The following GALNT18 variants were observed in gnomAD, a reference collection of about 807,000 sequenced individuals.
GALNT18 encodes GalNAc-transferase 18.
GALNT18 carries 44 observed loss-of-function variants against 69.5 expected under a neutral mutation model. The observed-to-expected ratio is 0.63, with a 90% CI of 0.50 to 0.81. The LOEUF (loss-of-function observed/expected upper bound fraction) is 0.81, where lower values mean the gene tolerates loss of function less well. Ranked by LOEUF, GALNT18 falls within the 40% of genes least tolerant of loss-of-function variation. The probability of loss-of-function intolerance (pLI) is 0.00; values close to 1 mark genes in which losing one functional copy is unlikely to be tolerated. For missense variants in GALNT18, 715 were observed against 810.0 expected (o/e 0.88, Z 1.42); for synonymous variants, 364 against 318.2 (o/e 1.14, Z -1.53).
chr11:11,593,074 C>G (rs971941464), intron 1 of GALNT18, among the ~76,000 whole-genome samples: 3 of 152,100 alleles, frequency 2.0e-5, no homozygotes, highest in African/African-American at 7.2e-5. Context: ...CCCCAACGCT[C>G]GGCTAATTTT....
At chr11:11,277,730 C>G (rs1377270186) in intron 10 of GALNT18, among the ~76,000 whole-genome samples, 1 of 152,144 alleles carries the variant, frequency 6.6e-6, no homozygotes, top group African/African-American at 2.4e-5. Flanking sequence ...CAAAGAACAT[C>G]TTTTATTCTG....
chr11:11,578,732 A>G (rs10765868), intron 1 of GALNT18, among the ~76,000 whole-genome samples: 65,871 of 152,166 alleles, frequency 0.43, 14,834 homozygotes, highest in East Asian at 0.65. Context: ...GGGCAACGTG[A>G]TCCCCTTGCA....
At chr11:11,452,822 C>A (rs770550329) in intron 1 of GALNT18, among the ~76,000 whole-genome samples, 7 of 152,170 alleles carry the variant, frequency 4.6e-5, no homozygotes, top group Non-Finnish European at 7.3e-5. Flanking sequence ...GAAGCCCCTG[C>A]AGGCATTCAG....
rs150533215 is a variant in GALNT18, at chr11:11,515,903, C to T, written c.236-66967G>A. On this transcript the variant is annotated intron_variant, in intron 1 of 10. Transcript: ENST00000227756. The stretch of plus-strand genomic sequence containing the variant: ...GTGGGAGGAGAGGTGGGTCCCTCAA[C>T]GGGAGAGAGGCAACTCAGCAAGGAG... 8.3e-4 allele frequency among the ~76,000 whole-genome samples: 126 copies of T among 152,274 alleles called. 2 individuals are homozygous for T. In the East Asian group the frequency reaches 0.023, roughly 28 times the overall value.
chr11:11,496,500 A>G lies in GALNT18; in HGVS notation c.236-47564T>C, dbSNP rs143369101. Among the ~76,000 whole-genome samples, 72 of 152,356 alleles carry G rather than the reference A, an allele frequency of 4.7e-4. No homozygotes were observed. The East Asian group carries it at 0.012, about 26-fold the overall frequency. ...GCATGCTGGAAAAATAAAACAGAAG[A>G]TGGTTCTTAGGAAAAGATTTCCTCT... is the stretch of plus-strand genomic sequence containing the variant. On this transcript the variant is annotated intron_variant, in intron 1 of 10. Transcript: ENST00000227756. The surrounding 1 kb of genome is among the most constrained non-coding windows in gnomAD (Gnocchi z 4.0).
At chr11:11,597,732 C>A (rs987051620) in intron 1 of GALNT18, among the ~76,000 whole-genome samples, 4 of 150,634 alleles carry the variant, frequency 2.7e-5, no homozygotes, top group Non-Finnish European at 5.9e-5. Flanking sequence ...GCGATCTGGG[C>A]TCACTGCAAG....
At chr11:11,460,677 T>C (rs1370162673) in intron 1 of GALNT18, among the ~76,000 whole-genome samples, 1 of 152,164 alleles carries the variant, frequency 6.6e-6, no homozygotes, top group Non-Finnish European at 1.5e-5. Context: ...GCCTCCCTGT[T>C]TCTTCCTGAC....
Position 11,340,043 on chromosome 11 carries a change from G to A in GALNT18, c.1278+776C>T, listed in dbSNP as rs1403852459. On this transcript the variant is annotated intron_variant, in intron 7 of 10. Coordinates refer to ENST00000227756, the MANE Select transcript of GALNT18 (RefSeq NM_198516.3). This position sits in a 1 kb window ranked among gnomAD's most constrained non-coding sequence, Gnocchi z 4.2. ...CTGTCTCACACAGAATGCAACATAA[G>A]CAATGAACTCTAGGCAGACAGGCTG... 6.6e-6 allele frequency among the ~76,000 whole-genome samples: 1 copy of A among 152,174 alleles called. No individual in the cohort carries two copies. Among genetic ancestry groups the A allele is most frequent in the African/African-American group, 2.4e-5 (1 of 41,450 alleles).
In GALNT18 at chr11:11,497,091, AC is replaced by A. The variant is rs1236529666; in HGVS notation, c.236-48156del. Among the ~76,000 whole-genome samples, 1 of 151,840 alleles carries A rather than the reference AC, an allele frequency of 6.6e-6. No individual in the cohort carries two copies. The highest frequency in any genetic ancestry group is 2.4e-5 in the African/African-American group (1 of 41,310). On this transcript the variant is annotated intron_variant, in intron 1 of 10. Coordinates refer to ENST00000227756, the MANE Select transcript of GALNT18 (RefSeq NM_198516.3). The surrounding 1 kb of genome is among the most constrained non-coding windows in gnomAD (Gnocchi z 4.2). ...CTCATTCCCACCTCAGGGCCTTTGC[AC>A]CTGCTGTTTCTTCAGTATGGGATGC...
chr11:11,575,191 G>A (rs1163452666), intron 1 of GALNT18, among the ~76,000 whole-genome samples: 1 of 152,158 alleles, frequency 6.6e-6, no homozygotes, highest in African/African-American at 2.4e-5. Context: ...GCCACTGAAC[G>A]GTCACAGTCT....
chr11:11,524,863 A>G (rs1335216782), intron 1 of GALNT18, among the ~76,000 whole-genome samples: 1 of 152,220 alleles, frequency 6.6e-6, no homozygotes, highest in Non-Finnish European at 1.5e-5. Context: ...TGTCTGTGTC[A>G]TTCTTGAATC....
At chr11:11,466,207 G>A (rs1439558237) in intron 1 of GALNT18, among the ~76,000 whole-genome samples, 1 of 152,214 alleles carries the variant, frequency 6.6e-6, no homozygotes, top group Non-Finnish European at 1.5e-5. Flanking sequence ...TTCATGGCCT[G>A]CTGGGTGGGT....
In GALNT18 at chr11:11,465,395, A is replaced by C. The variant is rs1856134571; in HGVS notation, c.236-16459T>G. Among the ~76,000 whole-genome samples, 1 of 152,112 alleles carries C rather than the reference A, an allele frequency of 6.6e-6. No individual in the cohort carries two copies. The highest frequency in any genetic ancestry group is 1.5e-5 in the Non-Finnish European group (1 of 68,030). On this transcript the variant is annotated intron_variant, in intron 1 of 10. Coordinates refer to ENST00000227756, the MANE Select transcript of GALNT18 (RefSeq NM_198516.3). This position sits in a 1 kb window ranked among gnomAD's most constrained non-coding sequence, Gnocchi z 5.7. ...TTATGGAGCTGTCACTGTGCAGGAA[A>C]ACACCAAGGATTACTCAAAGCTTGA...
At chr11:11,371,275 A>G (rs1850898264) in intron 6 of GALNT18, among the ~76,000 whole-genome samples, 1 of 152,168 alleles carries the variant, frequency 6.6e-6, no homozygotes, top group Admixed American at 6.5e-5. Context: ...TCTCCCCTTT[A>G]GGTCAGGGGC....
chr11:11,449,465 G>C (rs537475067), intron 1 of GALNT18, among the ~76,000 whole-genome samples: 8 of 152,216 alleles, frequency 5.3e-5, no homozygotes, highest in Non-Finnish European at 1.0e-4. Context: ...TCACCTGGCT[G>C]TCAGCACCCC....
intron 1 of GALNT18, among the ~76,000 whole-genome samples, chr11:11,458,483 T>C (rs182060446): frequency 7.2e-5 from 11 of 152,364 alleles, no homozygotes; most frequent in Admixed American, 5.2e-4. Flanking sequence ...TAATTGAATG[T>C]TCAGAAATGT....
At chr11:11,296,696 G>A (rs1485341054) in intron 9 of GALNT18, among the ~76,000 whole-genome samples, 5 of 152,142 alleles carry the variant, frequency 3.3e-5, no homozygotes, top group African/African-American at 1.2e-4. Flanking sequence ...CTTACTATCT[G>A]GTACAGCTGT....
chr11:11,402,951 C>T lies in GALNT18; in HGVS notation c.596-23687G>A, dbSNP rs1854501220. On this transcript the variant is annotated intron_variant, in intron 3 of 10. Transcript: ENST00000227756. This position sits in a 1 kb window ranked among gnomAD's most constrained non-coding sequence, Gnocchi z 4.0. ...TCTTTCTTCTCTGCCCCAGGCATTCCCCTGAGGAAAGTGAGCCTCAGAACT... is the reference window on the plus strand; with the variant it reads ...TCTTTCTTCTCTGCCCCAGGCATTCTCCTGAGGAAAGTGAGCCTCAGAACT... 6.6e-6 allele frequency among the ~76,000 whole-genome samples: 1 copy of T among 152,296 alleles called. No homozygotes were observed. Among genetic ancestry groups the T allele is most frequent in the African/African-American group, 2.4e-5 (1 of 41,564 alleles).
chr11:11,559,932 T>TTGG (rs1858435079), intron 1 of GALNT18, among the ~76,000 whole-genome samples: 1 of 9,648 alleles, frequency 1.0e-4, no homozygotes. Flanking sequence ...AGATACAATG[T>TTGG]GATGGGATAG....
Sources: allele counts gnomAD v4.1 joint callset (sites outside exome capture counted in the v4.1 genomes callset), GRCh38; gene constraint gnomAD v4.1.1; non-coding constraint Gnocchi (gnomAD v3.1); transcripts MANE v1.5; gene names NCBI Gene and HGNC (gene_info 2026-07-23, HGNC 2026-07-21).